The following HMGB1 variants were observed in gnomAD, a reference collection of about 807,000 sequenced individuals.
HMGB1 encodes the protein high mobility group protein B1.
For synonymous variants in HMGB1, 81 were observed against 84.0 expected (o/e 0.96, Z 0.19); for missense variants, 79 against 253.5 (o/e 0.31, Z 4.67).
intron 1 of HMGB1, among the ~76,000 whole-genome samples, chr13:30,531,153 G>C (rs1216934171): frequency 2.6e-5 from 4 of 152,136 alleles, no homozygotes; most frequent in Non-Finnish European, 4.4e-5. Flanking sequence ...TGAAAGGCAT[G>C]GTGAAATTGA....
At chr13:30,539,705 G>C in intron 1 of HMGB1, 1 of 202,062 alleles carries the variant, frequency 4.9e-6, no homozygotes, top group Non-Finnish European at 1.0e-5. Flanking sequence ...CCCCAAACCT[G>C]ATAGTACGGG....
chr13:30,515,244 A>G (rs1888076750), intron 1 of HMGB1, among the ~76,000 whole-genome samples: 1 of 152,230 alleles, frequency 6.6e-6, no homozygotes, highest in African/African-American at 2.4e-5. Context: ...CAGAGCCACA[A>G]GGAAGTGGAT....
intron 1 of HMGB1, among the ~76,000 whole-genome samples, chr13:30,567,911 A>G (rs184235430): frequency 6.6e-5 from 10 of 152,352 alleles, no homozygotes; most frequent in Admixed American, 5.2e-4. Flanking sequence ...GAAGAAGACA[A>G]TTAGGCAAAT....
chr13:30,589,551 G>T (rs1356664865), intron 1 of HMGB1, among the ~76,000 whole-genome samples: 1 of 152,170 alleles, frequency 6.6e-6, no homozygotes, highest in African/African-American at 2.4e-5. Flanking sequence ...ACACAGTAAA[G>T]TGTCAATAAT....
chr13:30,532,548 G>A (rs1241884839), intron 1 of HMGB1, among the ~76,000 whole-genome samples: 2 of 151,330 alleles, frequency 1.3e-5, no homozygotes, highest in Non-Finnish European at 2.9e-5. Flanking sequence ...TCACTCTGTC[G>A]CCCAGGGTGG....
At chr13:30,595,226 A>C (rs1311737086) in intron 1 of HMGB1, among the ~76,000 whole-genome samples, 1 of 152,194 alleles carries the variant, frequency 6.6e-6, no homozygotes, top group African/African-American at 2.4e-5. Context: ...TATTTCAAAC[A>C]ATCTAAATTC....
chr13:30,585,284 C>A (rs756321479), intron 1 of HMGB1, among the ~76,000 whole-genome samples: 1 of 152,116 alleles, frequency 6.6e-6, no homozygotes, highest in Non-Finnish European at 1.5e-5. Flanking sequence ...CGCCACTGCA[C>A]TCCAGCCCTG....
At chr13:30,477,372 A>C (rs1319328543) in intron 1 of HMGB1, among the ~76,000 whole-genome samples, 3 of 152,222 alleles carry the variant, frequency 2.0e-5, no homozygotes, top group Non-Finnish European at 4.4e-5. Flanking sequence ...AACAGTAAAG[A>C]AGTTCCATTT....
At chr13:30,609,262 A>G (rs1303975267) in intron 1 of HMGB1, among the ~76,000 whole-genome samples, 3 of 152,196 alleles carry the variant, frequency 2.0e-5, no homozygotes, top group African/African-American at 7.2e-5. Flanking sequence ...TCCGTCTCAA[A>G]AAAACAAACA....
chr13:30,484,630 G>T (rs1329495015), intron 1 of HMGB1, among the ~76,000 whole-genome samples: 1 of 152,192 alleles, frequency 6.6e-6, no homozygotes. Context: ...AGCACTTTGG[G>T]AGGCCAAGGC....
chr13:30,464,374 C>T, intron 1 of HMGB1: 1 of 985,454 alleles, frequency 1.0e-6, no homozygotes, highest in Non-Finnish European at 1.2e-6. Context: ...GGATGAGGGA[C>T]AAAAGCCACT....
chr13:30,597,913 A>G (rs55874037), intron 1 of HMGB1, among the ~76,000 whole-genome samples: 2,793 of 152,276 alleles, frequency 0.018, 90 homozygotes, highest in African/African-American at 0.064. Context: ...TCCAAGCCAA[A>G]GGAAACTATC....
At chr13:30,597,176 A>C (rs1871651839) in intron 1 of HMGB1, among the ~76,000 whole-genome samples, 1 of 152,204 alleles carries the variant, frequency 6.6e-6, no homozygotes, top group Non-Finnish European at 1.5e-5. Flanking sequence ...GCAAGTGATA[A>C]AGAAGAGGTC....
intron 1 of HMGB1, among the ~76,000 whole-genome samples, chr13:30,553,338 T>A (rs1054880516): frequency 6.6e-6 from 1 of 152,164 alleles, no homozygotes; most frequent in African/African-American, 2.4e-5. Context: ...ACTAAGACAA[T>A]GTGGTAACGT....
At chr13:30,598,945 C>T (rs543493778) in intron 1 of HMGB1, among the ~76,000 whole-genome samples, 1 of 151,180 alleles carries the variant, frequency 6.6e-6, no homozygotes, top group Non-Finnish European at 1.5e-5. Context: ...TGTGTATATA[C>T]ATATATAATA....
intron 1 of HMGB1, among the ~76,000 whole-genome samples, chr13:30,537,296 C>T (rs1389583443): frequency 6.6e-6 from 1 of 152,112 alleles, no homozygotes; most frequent in African/African-American, 2.4e-5. Context: ...CCATAAATTT[C>T]ACTATGGTGT....
Position 30,609,141 on chromosome 13 carries a change from T to C in HMGB1, c.-15+7530A>G, listed in dbSNP as rs531838521. Among the ~76,000 whole-genome samples the C allele has an allele frequency of 3.7e-4, 57 of 152,286 alleles. 2 individuals are homozygous for C. The highest frequency in any genetic ancestry group is 3.4e-3 in the Middle Eastern group (1 of 294). ...AGCCCGGCGTAGTGGTGGGAGCCTGTAGTCCCAGCTACTCAGGACGCTGAG... is the reference window on the plus strand; with the variant it reads ...AGCCCGGCGTAGTGGTGGGAGCCTGCAGTCCCAGCTACTCAGGACGCTGAG... On this transcript the variant is annotated intron_variant, in intron 1 of 4. Transcript: ENST00000405805.
At chr13:30,556,652 AG>A (rs1869704225) in intron 1 of HMGB1, among the ~76,000 whole-genome samples, 1 of 152,256 alleles carries the variant, frequency 6.6e-6, no homozygotes, top group Non-Finnish European at 1.5e-5. Context: ...GAAAAAAGCC[AG>A]GAACAGAAAG....
intron 1 of HMGB1, among the ~76,000 whole-genome samples, chr13:30,498,453 A>T (rs1887660403): frequency 6.6e-6 from 1 of 151,930 alleles, no homozygotes; most frequent in African/African-American, 2.4e-5. Context: ...CTGGAGAGGG[A>T]TAAGAGCTGT....
Sources: allele counts gnomAD v4.1 joint callset (sites outside exome capture counted in the v4.1 genomes callset), GRCh38; gene constraint gnomAD v4.1.1; transcripts MANE v1.5; gene names NCBI Gene and HGNC (gene_info 2026-07-23, HGNC 2026-07-21).